Variants in CTNNA2 observed in about 807,000 individuals in gnomAD.
CTNNA2 encodes catenin alpha-2.
Under a neutral mutation model 101.0 loss-of-function variants are expected in CTNNA2, and 42 were observed. That is an observed-to-expected ratio of 0.42 (90% CI 0.32 to 0.54). The LOEUF is 0.54. Ranked by LOEUF, CTNNA2 falls within the 20% of genes least tolerant of loss-of-function variation. The pLI is 0.14. For synonymous variants in CTNNA2, 450 were observed against 456.4 expected (o/e 0.99, Z 0.18); for missense variants, 871 against 1,223.1 (o/e 0.71, Z 4.29).
intron 4 of CTNNA2, among the ~76,000 whole-genome samples, chr2:79,863,535 G>T (rs1681797249): frequency 6.6e-6 from 1 of 152,154 alleles, no homozygotes; most frequent in African/African-American, 2.4e-5. Context: ...GTTGAGGGAT[G>T]AATCATTCTG....
chr2:80,475,838 A>C (rs1685686737), intron 9 of CTNNA2, among the ~76,000 whole-genome samples: 2 of 152,294 alleles, frequency 1.3e-5, no homozygotes, highest in Non-Finnish European at 1.5e-5. Flanking sequence ...GGGAAAGAAA[A>C]AACAGAATTT....
At chr2:79,711,202 T>G (rs1437170435) in intron 2 of CTNNA2, among the ~76,000 whole-genome samples, 2 of 152,216 alleles carry the variant, frequency 1.3e-5, no homozygotes, top group Non-Finnish European at 2.9e-5. Flanking sequence ...CAACTGATAT[T>G]ATTTGATTTA....
At chr2:79,670,465 G>A (rs1682759426) in intron 2 of CTNNA2, among the ~76,000 whole-genome samples, 1 of 152,178 alleles carries the variant, frequency 6.6e-6, no homozygotes, top group Admixed American at 6.5e-5. Context: ...TCAGAAGACT[G>A]ACTCCATGGA....
chr2:79,214,966 C>G (rs1572982513), intron 2 of CTNNA2, among the ~76,000 whole-genome samples: 1 of 151,920 alleles, frequency 6.6e-6, no homozygotes, highest in African/African-American at 2.4e-5. Flanking sequence ...AGTGGGTAGC[C>G]TCCGTATTGA....
intron 3 of CTNNA2, among the ~76,000 whole-genome samples, chr2:79,324,988 A>G (rs1187343126): frequency 6.6e-6 from 1 of 152,110 alleles, no homozygotes; most frequent in Non-Finnish European, 1.5e-5. Flanking sequence ...ACATAAATCC[A>G]CCACCCTTCA....
intron 7 of CTNNA2, among the ~76,000 whole-genome samples, chr2:80,024,945 G>A (rs189556764): frequency 9.9e-5 from 15 of 152,226 alleles, no homozygotes; most frequent in African/African-American, 3.4e-4. Flanking sequence ...GTTGAGCAGT[G>A]GAAGTGGGTC....
At chr2:80,252,945 G>T (rs1340632471) in intron 7 of CTNNA2, among the ~76,000 whole-genome samples, 2 of 152,034 alleles carry the variant, frequency 1.3e-5, no homozygotes, top group Non-Finnish European at 2.9e-5. Flanking sequence ...TGGTGATATT[G>T]GTAACTGCAA....
chr2:80,537,275 A>G (rs555657029), intron 9 of CTNNA2, among the ~76,000 whole-genome samples: 4 of 152,308 alleles, frequency 2.6e-5, no homozygotes, highest in African/African-American at 9.6e-5. Context: ...TTATGGCTGC[A>G]TAGTATTCTG....
At chr2:79,650,173 C>CGG (rs60282355) in intron 1 of CTNNA2, among the ~76,000 whole-genome samples, 20 of 76,874 alleles carry the variant, frequency 2.6e-4, no homozygotes, top group Non-Finnish European at 4.1e-4. Flanking sequence ...TATACTTTTT[C>CGG]GGGGGGGGGG....
chr2:79,766,420 T>C (rs1396920142), intron 3 of CTNNA2, among the ~76,000 whole-genome samples: 1 of 152,170 alleles, frequency 6.6e-6, no homozygotes, highest in East Asian at 1.9e-4. Context: ...CCAGTGCATG[T>C]TATTTGTTTC....
chr2:79,624,039 C>CT (rs1221556321), intron 1 of CTNNA2, among the ~76,000 whole-genome samples: 1 of 151,964 alleles, frequency 6.6e-6, no homozygotes, highest in Non-Finnish European at 1.5e-5. Flanking sequence ...TCTCTTTCCC[C>CT]TTGCCCACTT....
At chr2:79,675,613 T>G (rs1209901138) in intron 2 of CTNNA2, among the ~76,000 whole-genome samples, 1 of 152,172 alleles carries the variant, frequency 6.6e-6, no homozygotes, top group Non-Finnish European at 1.5e-5. Flanking sequence ...TGGTATTTCT[T>G]TATCAAAATA....
At chr2:80,243,017 G>C (rs148593327) in intron 7 of CTNNA2, among the ~76,000 whole-genome samples, 1 of 152,206 alleles carries the variant, frequency 6.6e-6, no homozygotes, top group Non-Finnish European at 1.5e-5. Flanking sequence ...ATCAGAACTA[G>C]GTCAAGAGCT....
chr2:79,518,800 A>G (rs1558693006), intron 1 of CTNNA2, among the ~76,000 whole-genome samples: 1 of 152,218 alleles, frequency 6.6e-6, no homozygotes, highest in Non-Finnish European at 1.5e-5. Context: ...GGGAAAGGGT[A>G]TCCTACAGTC....
chr2:79,853,520 C>G (rs1339451866), intron 3 of CTNNA2, among the ~76,000 whole-genome samples: 2 of 152,130 alleles, frequency 1.3e-5, no homozygotes. Flanking sequence ...ATTTAGAGTG[C>G]TGACCTTACA....
chr2:79,367,639 G>A (rs1156287281), intron 3 of CTNNA2, among the ~76,000 whole-genome samples: 2 of 152,058 alleles, frequency 1.3e-5, no homozygotes, highest in Non-Finnish European at 2.9e-5. Context: ...CCAACTAGAG[G>A]GGAGAAAAGG....
chr2:80,488,580 G>A (rs1686783289), intron 9 of CTNNA2, among the ~76,000 whole-genome samples: 1 of 152,124 alleles, frequency 6.6e-6, no homozygotes, highest in Non-Finnish European at 1.5e-5. Context: ...TTTCCTACTT[G>A]GACAAACAAA....
At chr2:80,098,501 C>T (rs987261590) in intron 7 of CTNNA2, among the ~76,000 whole-genome samples, 12 of 152,296 alleles carry the variant, frequency 7.9e-5, no homozygotes, top group South Asian at 6.2e-4. Flanking sequence ...TCTCAAGCTG[C>T]GTGTTGGGAG....
intron 7 of CTNNA2, among the ~76,000 whole-genome samples, chr2:79,930,381 C>A (rs1687362252): frequency 6.6e-6 from 1 of 151,982 alleles, no homozygotes; most frequent in Non-Finnish European, 1.5e-5. Flanking sequence ...CTAGCCACCT[C>A]CTCCCTCACT....
Sources: allele counts gnomAD v4.1 joint callset (sites outside exome capture counted in the v4.1 genomes callset), GRCh38; gene constraint gnomAD v4.1.1; transcripts MANE v1.5; gene names NCBI Gene and HGNC (gene_info 2026-07-23, HGNC 2026-07-21).